LRMDA: variants seen among roughly 807,000 people sequenced by gnomAD.
LRMDA encodes leucine rich melanocyte differentiation associated.
Under a neutral mutation model 29.8 loss-of-function variants are expected in LRMDA, and 18 were observed. The observed-to-expected ratio is 0.60, with a 90% confidence interval of 0.42 to 0.90. LRMDA has a LOEUF of 0.90. LRMDA is among the 40% of genes least tolerant of loss of function. The probability of loss-of-function intolerance (pLI) is 0.00; values close to 1 mark genes in which losing one functional copy is unlikely to be tolerated. For missense variants in LRMDA, 273 were observed against 273.9 expected (o/e 1.00, Z 0.02); for synonymous variants, 125 against 109.4 (o/e 1.14, Z -0.89).
At chr10:75,618,378 CTCTCTATATA>C (rs1178441530) in intron 2 of LRMDA, among the ~76,000 whole-genome samples, 2,196 of 62,544 alleles carry the variant, frequency 0.035, 17 homozygotes, top group Middle Eastern at 0.053. Context: ...CTCTCTCTCT[CTCTCTATATA>C]TATATATATA....
At chr10:76,167,577 G>A (rs1480398750) in intron 5 of LRMDA, among the ~76,000 whole-genome samples, 2 of 152,038 alleles carry the variant, frequency 1.3e-5, no homozygotes, top group Non-Finnish European at 2.9e-5. Flanking sequence ...ATGTGGCCTT[G>A]TTTCTGAGTT....
rs565837337 is a variant in LRMDA, at chr10:75,726,758, G to A, written c.131+288264G>A. Among the ~76,000 whole-genome samples, 31 of 152,300 alleles carry A rather than the reference G, an allele frequency of 2.0e-4. No homozygotes were observed. The South Asian group carries it at 4.6e-3, about 22-fold the overall frequency. On this transcript the variant is annotated intron_variant, in intron 2 of 6. Transcript: ENST00000611255. ...CCCTCATAGCCTAATGAGATAAGCC[G>A]GCCATGGCTAGGAAGTCTACTACTT...
At chr10:75,745,835 C>G (rs1396436454) in intron 2 of LRMDA, among the ~76,000 whole-genome samples, 1 of 152,132 alleles carries the variant, frequency 6.6e-6, no homozygotes, top group Non-Finnish European at 1.5e-5. Flanking sequence ...TCGTGATGAC[C>G]TTGACAGTCA....
chr10:75,982,993 G>A (rs989139139), intron 2 of LRMDA, among the ~76,000 whole-genome samples: 1 of 152,180 alleles, frequency 6.6e-6, no homozygotes, highest in African/African-American at 2.4e-5. Flanking sequence ...TCTTGCTCAA[G>A]GTCACATAGC....
At chr10:76,547,982 C>T (rs1472189165) in intron 6 of LRMDA, among the ~76,000 whole-genome samples, 1 of 152,150 alleles carries the variant, frequency 6.6e-6, no homozygotes, top group Non-Finnish European at 1.5e-5. Flanking sequence ...AAGAATGAGC[C>T]TGCTAAGTAA....
At chr10:75,710,543 A>C (rs1842423426) in intron 2 of LRMDA, among the ~76,000 whole-genome samples, 1 of 152,194 alleles carries the variant, frequency 6.6e-6, no homozygotes, top group East Asian at 1.9e-4. Context: ...GTTGCTGTCT[A>C]ATTAGAGATG....
intron 6 of LRMDA, among the ~76,000 whole-genome samples, chr10:76,340,536 A>AAAAAG (rs1016856830): frequency 4.7e-5 from 7 of 149,914 alleles, no homozygotes; most frequent in South Asian, 4.2e-4. Context: ...AAAAAAAAAA[A>AAAAAG]AGAGAGAGAG....
At chr10:76,177,337 A>G (rs928794942) in intron 5 of LRMDA, among the ~76,000 whole-genome samples, 1 of 148,932 alleles carries the variant, frequency 6.7e-6, no homozygotes, top group Non-Finnish European at 1.5e-5. Flanking sequence ...TTGGAATGCT[A>G]TATGAAAAGC....
chr10:76,065,112 T>C (rs1333059532), intron 5 of LRMDA, among the ~76,000 whole-genome samples: 2 of 152,234 alleles, frequency 1.3e-5, no homozygotes, highest in African/African-American at 4.8e-5. Flanking sequence ...TGTTTGTTTT[T>C]TCAACCTTAT....
chr10:76,113,630 G>A (rs1849616687), intron 5 of LRMDA, among the ~76,000 whole-genome samples: 1 of 152,082 alleles, frequency 6.6e-6, no homozygotes, highest in Non-Finnish European at 1.5e-5. Flanking sequence ...AGCAGAAAGG[G>A]CAGTGCTTCT....
At chr10:76,473,037 T>C (rs1370644515) in intron 6 of LRMDA, among the ~76,000 whole-genome samples, 1 of 151,622 alleles carries the variant, frequency 6.6e-6, no homozygotes, top group Non-Finnish European at 1.5e-5. Context: ...CCCACCATCA[T>C]TCTGATTCCT....
At chr10:75,595,916 G>A (rs1217791548) in intron 2 of LRMDA, among the ~76,000 whole-genome samples, 2 of 151,902 alleles carry the variant, frequency 1.3e-5, no homozygotes, top group African/African-American at 4.8e-5. Flanking sequence ...TACTATACTG[G>A]AAGCTTATAT....
intron 5 of LRMDA, among the ~76,000 whole-genome samples, chr10:76,157,295 C>A (rs959722310): frequency 6.6e-5 from 10 of 152,094 alleles, no homozygotes; most frequent in African/African-American, 2.4e-4. Context: ...TAGTATATTT[C>A]AAATTGAAGA....
chr10:75,979,581 C>T (rs1847130448), intron 2 of LRMDA, among the ~76,000 whole-genome samples: 1 of 152,100 alleles, frequency 6.6e-6, no homozygotes, highest in African/African-American at 2.4e-5. Context: ...TCCCAACATC[C>T]CGTGGGGACC....
chr10:75,969,763 A>G (rs1191244796), intron 2 of LRMDA, among the ~76,000 whole-genome samples: 4 of 152,184 alleles, frequency 2.6e-5, no homozygotes, highest in Non-Finnish European at 4.4e-5. Flanking sequence ...ACTCACCACC[A>G]TCAGTGACAT....
intron 2 of LRMDA, among the ~76,000 whole-genome samples, chr10:75,668,283 T>C (rs965539706): frequency 6.6e-6 from 1 of 152,194 alleles, no homozygotes; most frequent in African/African-American, 2.4e-5. Context: ...CTTAAGGTTT[T>C]TGTGATTCCC....
intron 5 of LRMDA, among the ~76,000 whole-genome samples, chr10:76,199,823 T>C (rs1165562961): frequency 6.6e-6 from 1 of 152,184 alleles, no homozygotes; most frequent in African/African-American, 2.4e-5. Context: ...CTACCCTGCT[T>C]TTTCACGTGC....
At chr10:75,483,234 A>C (rs1844872754) in intron 2 of LRMDA, among the ~76,000 whole-genome samples, 1 of 152,200 alleles carries the variant, frequency 6.6e-6, no homozygotes, top group Admixed American at 6.5e-5. Flanking sequence ...GGTGTGAGCC[A>C]CCACACCCCA....
chr10:75,872,300 CT>C lies in LRMDA; in HGVS notation c.132-163697del, dbSNP rs200584025. Among the ~76,000 whole-genome samples, 911 of 145,474 alleles carry C rather than the reference CT, an allele frequency of 6.3e-3. 9 individuals are homozygous for C. The highest frequency in any genetic ancestry group is 8.3e-3 in the Non-Finnish European group (548 of 66,086). ...GATTCGTTCTATTCTCTCTCTCTCT[CT>C]TTTTTTTTTTAATTTTTGAGACGAT... On this transcript the variant is annotated intron_variant, in intron 2 of 6. Transcript: ENST00000611255.
Sources: gnomAD v4.1 joint callset for allele counts (sites outside exome capture counted in the v4.1 genomes callset) on GRCh38, gnomAD v4.1.1 for gene constraint, MANE v1.5 for transcripts, NCBI Gene and HGNC (gene_info 2026-07-23, HGNC 2026-07-21) for gene names.